The following ABCD2 variants were observed in gnomAD, a reference collection of about 807,000 sequenced individuals.
The protein encoded by ABCD2 is ATP-binding cassette sub-family D member 2.
A neutral mutation model predicts 70.9 loss-of-function variants in ABCD2; 36 were observed. The ratio of observed to expected loss-of-function variants is 0.51; its 90% CI spans 0.39 to 0.67. The LOEUF is 0.67. Among genes scored for constraint, ABCD2 ranks in the 30% least tolerant of loss-of-function variants. The pLI is 0.00. For synonymous variants in ABCD2, 304 were observed against 306.9 expected (o/e 0.99, Z 0.10); for missense variants, 729 against 890.2 (o/e 0.82, Z 2.30).
chr12:39,573,448 A>G (rs1941475156), intron 9 of ABCD2, among the ~76,000 whole-genome samples: 1 of 152,102 alleles, frequency 6.6e-6, no homozygotes, highest in South Asian at 2.1e-4. Context: ...AGTACATGTT[A>G]CTGGGTAATG....
At chr12:39,556,639 G>A (rs542411145) in intron 9 of ABCD2, among the ~76,000 whole-genome samples, 32 of 152,180 alleles carry the variant, frequency 2.1e-4, no homozygotes, top group African/African-American at 6.0e-4. Flanking sequence ...TCTTTATAGC[G>A]ATATGAAAAC....
At chr12:39,567,302 C>T (rs1361029971) in intron 9 of ABCD2, among the ~76,000 whole-genome samples, 2 of 152,198 alleles carry the variant, frequency 1.3e-5, no homozygotes, top group South Asian at 2.1e-4. Context: ...TTGCTTTATG[C>T]ATCTGGGTGC....
rs532605050 is a variant in ABCD2, at chr12:39,607,529, G to A, written c.1236+70C>T. On this transcript the variant is annotated intron_variant, in intron 3 of 9. Transcript: ENST00000308666. ...TGTTTCCAAAATACTAAGTATACTT[G>A]GTAATTGACATTTTGCTTGATTTTC... is the stretch of plus-strand genomic sequence containing the variant. 6.1e-4 allele frequency: 761 copies of A among 1,238,154 alleles called. 3 individuals are homozygous for A. The highest frequency in any genetic ancestry group is 3.4e-5 in the Non-Finnish European group (29 of 854,884). 76.7% of individuals were successfully genotyped at this position (1,238,154 alleles called of 1,614,324 possible).
chr12:39,560,020 T>A (rs577883215), intron 9 of ABCD2, among the ~76,000 whole-genome samples: 1 of 152,340 alleles, frequency 6.6e-6, no homozygotes, highest in South Asian at 2.1e-4. Context: ...TATTTCTTTT[T>A]TTTATTATAC....
chr12:39,593,203 AT>A (rs1941769613), intron 6 of ABCD2, among the ~76,000 whole-genome samples: 1 of 152,208 alleles, frequency 6.6e-6, no homozygotes, highest in Non-Finnish European at 1.5e-5. Context: ...AGTCATTCAT[AT>A]AGAAACAATA....
At chr12:39,601,922 C>A (rs1403768411) in intron 5 of ABCD2, among the ~76,000 whole-genome samples, 5 of 151,742 alleles carry the variant, frequency 3.3e-5, no homozygotes, top group African/African-American at 1.2e-4. Context: ...TCATATATAT[C>A]ATGGTGAAAA....
chr12:39,608,805 T>C (rs1165654805), intron 2 of ABCD2, among the ~76,000 whole-genome samples: 3 of 152,202 alleles, frequency 2.0e-5, no homozygotes, highest in Non-Finnish European at 4.4e-5. Context: ...CAAACATTTA[T>C]GGTGTGGTTT....
chr12:39,570,065 AATGT>A (rs1294647931), intron 9 of ABCD2, among the ~76,000 whole-genome samples: 5 of 152,220 alleles, frequency 3.3e-5, no homozygotes, highest in African/African-American at 1.2e-4. Flanking sequence ...ATAAAACATT[AATGT>A]AAGGAATCGA....
chr12:39,557,136 CT>C (rs1266207376), intron 9 of ABCD2, among the ~76,000 whole-genome samples: 2 of 152,110 alleles, frequency 1.3e-5, no homozygotes, highest in African/African-American at 2.4e-5. Flanking sequence ...GACCAAAATG[CT>C]GATAGTAATA....
chr12:39,575,994 C>T (rs1315161196), intron 8 of ABCD2, among the ~76,000 whole-genome samples: 2 of 152,162 alleles, frequency 1.3e-5, no homozygotes, highest in African/African-American at 2.4e-5. Context: ...ATTTTATTAA[C>T]ACACTGATAC....
chr12:39,576,746 T>C (rs1303872841), intron 8 of ABCD2, among the ~76,000 whole-genome samples: 1 of 152,134 alleles, frequency 6.6e-6, no homozygotes, highest in Non-Finnish European at 1.5e-5. Context: ...AGGACAGAAA[T>C]GTCTAGAGGG....
Position 39,603,992 on chromosome 12 carries a change from C to T in ABCD2, c.1420G>A (p.Val474Met). 9 of 1,610,968 alleles carry T rather than the reference C, an allele frequency of 5.6e-6. No individual in the cohort carries two copies. The highest frequency in any genetic ancestry group is 7.6e-6 in the Non-Finnish European group (9 of 1,177,894). ...TTTTCACAAATAATTCCGTGATCCA[C>T]ATCAATAACTTTTCCTGTAATTAAG... The part of the protein sequence containing the change: ...TLAIKGKVID[V>M]DHGIICENVP... The change falls in exon 5 of 10, where the codon GTG (valine) becomes ATG (methionine). Residue 474 changes from valine (V) to methionine (M), a missense_variant. Coordinates refer to ENST00000308666, the MANE Select transcript of ABCD2 (RefSeq NM_005164.4).
chr12:39,546,733 A>G (rs118096566), downstream of ABCD2, among the ~76,000 whole-genome samples: 319 of 152,242 alleles, frequency 2.1e-3, 2 homozygotes, highest in Non-Finnish European at 3.3e-3. Flanking sequence ...TATAGTCATA[A>G]TAAAGGAAAA....
In ABCD2 at chr12:39,619,348, C is replaced by G; in HGVS notation, c.268G>C (p.Glu90Gln). 1 of 1,613,948 alleles carries G rather than the reference C, an allele frequency of 6.2e-7. No individual in the cohort carries two copies. Among genetic ancestry groups the G allele is most frequent in the Non-Finnish European group, 8.5e-7 (1 of 1,180,026 alleles). Reference sequence around the variant, plus strand: ...TTTGGAAACAAAATTTTCCGAAGTTCTAGTAGCTGTTTGAAGAAATCTGCA... The same window carrying G: ...TTTGGAAACAAAATTTTCCGAAGTTGTAGTAGCTGTTTGAAGAAATCTGCA... ...VNADFFKQLL[E>Q]LRKILFPKLV... Residue 90 changes from glutamate (E) to glutamine (Q), a missense_variant, in exon 1 of 10, where the codon GAA becomes CAA. Around this residue, in one of 3 missense-constraint regions of ABCD2, gnomAD observed 245 missense variants for 261.2 expected, o/e 0.94. Transcript: ENST00000308666.
At chr12:39,568,831 G>A (rs1330726549) in intron 9 of ABCD2, among the ~76,000 whole-genome samples, 1 of 152,118 alleles carries the variant, frequency 6.6e-6, no homozygotes, top group African/African-American at 2.4e-5. Flanking sequence ...CTGTTTGTTA[G>A]TTTTCCTGCT....
At chr12:39,592,064 A>T (rs1286568973) in intron 6 of ABCD2, among the ~76,000 whole-genome samples, 1 of 152,154 alleles carries the variant, frequency 6.6e-6, no homozygotes, top group Non-Finnish European at 1.5e-5. Flanking sequence ...AAAGAGATTT[A>T]AAAAAACTGA....
chr12:39,544,835 C>T, the ABCD2 span, among the ~76,000 whole-genome samples: 1 of 152,166 alleles, frequency 6.6e-6, no homozygotes, highest in Admixed American at 6.6e-5. Context: ...GCTTCCAAGG[C>T]TTGCATGGCA....
chr12:39,537,823 C>T, the ABCD2 span, among the ~76,000 whole-genome samples: 6,638 of 152,252 alleles, frequency 0.044, 472 homozygotes, highest in African/African-American at 0.15. Flanking sequence ...TGACCACGAA[C>T]TGGTAAACAG....
At chr12:39,548,084 G>C (rs1941043947), downstream of ABCD2, among the ~76,000 whole-genome samples, 1 of 152,014 alleles carries the variant, frequency 6.6e-6, no homozygotes, top group South Asian at 2.1e-4. Flanking sequence ...TCCTGGGCTA[G>C]AGATATGCAG....
Sources: allele counts gnomAD v4.1 joint callset (sites outside exome capture counted in the v4.1 genomes callset), GRCh38; gene constraint gnomAD v4.1.1; regional missense constraint gnomAD v4.1.1; transcripts MANE v1.5; gene names NCBI Gene and HGNC (gene_info 2026-07-23, HGNC 2026-07-21).